Variants in B3GALT1 observed in about 807,000 individuals in gnomAD.
The protein encoded by B3GALT1 is UDP-Gal:betaGlcNAc beta 1,3-galactosyltransferase, polypeptide 1.
In B3GALT1, 10 loss-of-function variants were observed where a neutral mutation model predicts 23.2. The ratio of observed to expected loss-of-function variants is 0.43; its 90% CI spans 0.27 to 0.73. The LOEUF (loss-of-function observed/expected upper bound fraction) is 0.73. Ranked by LOEUF, B3GALT1 falls within the 30% of genes least tolerant of loss-of-function variation. The probability of loss-of-function intolerance (pLI) is 0.21; values close to 1 mark genes in which losing one functional copy is unlikely to be tolerated. For missense variants in B3GALT1, 299 were observed against 405.4 expected, an observed-to-expected ratio of 0.74 and a Z score of 2.25; for synonymous variants, 156 against 141.5, an observed-to-expected ratio of 1.10 and a Z score of -0.73.
At chr2:167,495,327 T>C (rs975074102) in intron 2 of B3GALT1, among the ~76,000 whole-genome samples, 5 of 115,262 alleles carry the variant, frequency 4.3e-5, no homozygotes, top group Non-Finnish European at 6.8e-5. Flanking sequence ...CTTGCTTGCC[T>C]TTTTTTTTTT....
At chr2:167,638,016 T>G (rs1685588941) in intron 2 of B3GALT1, among the ~76,000 whole-genome samples, 1 of 152,010 alleles carries the variant, frequency 6.6e-6, no homozygotes, top group African/African-American at 2.4e-5. Flanking sequence ...CTGCTTCCTT[T>G]GTCAACATTT....
intron 3 of B3GALT1, among the ~76,000 whole-genome samples, chr2:167,701,573 T>A (rs1232312596): frequency 6.6e-6 from 1 of 151,038 alleles, no homozygotes; most frequent in Non-Finnish European, 1.5e-5. Flanking sequence ...TGCACCTGAT[T>A]TTTTTCCCCC....
chr2:167,669,678 T>C (rs1406297595), intron 3 of B3GALT1, among the ~76,000 whole-genome samples: 1 of 152,254 alleles, frequency 6.6e-6, no homozygotes, highest in Non-Finnish European at 1.5e-5. Context: ...ATGTAAAATG[T>C]ATTTCAAATA....
At chr2:167,359,322 A>T (rs1472091683) in intron 1 of B3GALT1, among the ~76,000 whole-genome samples, 1 of 152,172 alleles carries the variant, frequency 6.6e-6, no homozygotes, top group Admixed American at 6.5e-5. Context: ...TATGTGTTTA[A>T]CACACTCCCT....
intron 1 of B3GALT1, among the ~76,000 whole-genome samples, chr2:167,350,309 C>T (rs1466442163): frequency 6.6e-6 from 1 of 152,146 alleles, no homozygotes; most frequent in African/African-American, 2.4e-5. Context: ...CTGTGTGTTA[C>T]TGAGAGGATC....
chr2:167,524,280 C>A (rs1683186947), intron 2 of B3GALT1, among the ~76,000 whole-genome samples: 2 of 151,990 alleles, frequency 1.3e-5, no homozygotes, highest in South Asian at 4.2e-4. Context: ...ATCTATGCAC[C>A]CCTAAGAAAA....
At chr2:167,327,662 T>C (rs1455925890) in intron 1 of B3GALT1, among the ~76,000 whole-genome samples, 2 of 152,188 alleles carry the variant, frequency 1.3e-5, no homozygotes, top group African/African-American at 2.4e-5. Context: ...TCATGTCATC[T>C]GCAAAGAAGG....
At chr2:167,658,094 T>C (rs1043398006) in intron 3 of B3GALT1, among the ~76,000 whole-genome samples, 18 of 152,240 alleles carry the variant, frequency 1.2e-4, no homozygotes, top group Admixed American at 1.1e-3. Flanking sequence ...AGCAACTATT[T>C]GGTAAGTATG....
chr2:167,865,236 C>T (rs951146395), intron 4 of B3GALT1, among the ~76,000 whole-genome samples: 7 of 151,844 alleles, frequency 4.6e-5, no homozygotes, highest in African/African-American at 1.7e-4. Context: ...TGGTGAAACC[C>T]CATCTCTACT....
At chr2:167,611,057 G>T (rs888433985) in intron 2 of B3GALT1, among the ~76,000 whole-genome samples, 1 of 151,438 alleles carries the variant, frequency 6.6e-6, no homozygotes, top group Non-Finnish European at 1.5e-5. Flanking sequence ...TTATTACTTT[G>T]GTGACAAATA....
intron 3 of B3GALT1, among the ~76,000 whole-genome samples, chr2:167,799,950 GTATGTATACACT>G (rs147953507): frequency 0.11 from 17,009 of 152,018 alleles, 985 homozygotes; most frequent in Middle Eastern, 0.22. Flanking sequence ...AATGCAATGT[GTATGTATACACT>G]TATGTATACA....
intron 1 of B3GALT1, among the ~76,000 whole-genome samples, chr2:167,329,763 A>G (rs1340083244): frequency 6.6e-6 from 1 of 151,948 alleles, no homozygotes; most frequent in Non-Finnish European, 1.5e-5. Context: ...TTCATTTCCA[A>G]AGAATAATTT....
At chr2:167,605,399 A>G (rs1285704484) in intron 2 of B3GALT1, among the ~76,000 whole-genome samples, 2 of 152,008 alleles carry the variant, frequency 1.3e-5, no homozygotes, top group Non-Finnish European at 2.9e-5. Flanking sequence ...AGTTCTCTTG[A>G]GGGTTTGGCT....
At chr2:167,342,638 G>A (rs1479351239) in intron 1 of B3GALT1, among the ~76,000 whole-genome samples, 1 of 151,142 alleles carries the variant, frequency 6.6e-6, no homozygotes. Flanking sequence ...CAATACTGCT[G>A]GAAATGAGTG....
intron 1 of B3GALT1, among the ~76,000 whole-genome samples, chr2:167,315,215 C>A (rs922333344): frequency 1.3e-4 from 20 of 152,060 alleles, no homozygotes; most frequent in African/African-American, 4.8e-4. Context: ...TATTTAAAAT[C>A]CCTGTTTAAT....
chr2:167,701,934 C>T (rs1224634777), intron 3 of B3GALT1, among the ~76,000 whole-genome samples: 1 of 152,184 alleles, frequency 6.6e-6, no homozygotes, highest in African/African-American at 2.4e-5. Flanking sequence ...AATTTCTCAT[C>T]CATTTCAAAT....
At position 167,693,139 on chromosome 2, in the gene B3GALT1, G is replaced by A. The variant is rs200808233; in HGVS notation, c.-352+46173G>A. ...AAATGAGAATTCACAACACAAGAGTGCCCAAGGTCCCGGTGCAATACCCTT... is the reference window on the plus strand; with the variant it reads ...AAATGAGAATTCACAACACAAGAGTACCCAAGGTCCCGGTGCAATACCCTT... On this transcript the variant is annotated intron_variant, in intron 3 of 4. Transcript: ENST00000392690. Among the ~76,000 whole-genome samples the A allele has an allele frequency of 3.3e-5, 5 of 151,896 alleles. No individual in the cohort carries two copies. In the East Asian group the frequency reaches 7.7e-4, roughly 23 times the overall value.
chr2:167,315,401 C>T (rs944178599), intron 1 of B3GALT1, among the ~76,000 whole-genome samples: 7 of 151,994 alleles, frequency 4.6e-5, no homozygotes, highest in African/African-American at 9.7e-5. Flanking sequence ...AGTGTATTAA[C>T]CTATGGCCTG....
intron 1 of B3GALT1, among the ~76,000 whole-genome samples, chr2:167,308,079 T>G (rs1312171255): frequency 6.6e-6 from 1 of 152,084 alleles, no homozygotes; most frequent in Non-Finnish European, 1.5e-5. Flanking sequence ...AATGTTACTG[T>G]GTGTTAGAAA....
Sources: gnomAD v4.1 joint callset for allele counts (sites outside exome capture counted in the v4.1 genomes callset) on GRCh38, gnomAD v4.1.1 for gene constraint, MANE v1.5 for transcripts, NCBI Gene and HGNC (gene_info 2026-07-23, HGNC 2026-07-21) for gene names.